The following ACAD8 variants were observed in gnomAD, a reference collection of about 807,000 sequenced individuals.
ACAD8 encodes the protein acyl-CoA dehydrogenase family member 8.
ACAD8 carries 47 observed loss-of-function variants against 53.1 expected under a neutral mutation model. That is an observed-to-expected ratio of 0.89 (90% CI 0.70 to 1.13). The LOEUF (loss-of-function observed/expected upper bound fraction) is 1.13, where lower values mean the gene tolerates loss of function less well. Among genes scored for constraint, ACAD8 ranks in the 50% most tolerant of loss-of-function variants. The pLI, the probability that ACAD8 is intolerant of heterozygous loss-of-function variation, is 0.00. For synonymous variants in ACAD8, 198 were observed against 201.3 expected, an observed-to-expected ratio of 0.98 and a Z score of 0.14; for missense variants, 494 against 535.0, an observed-to-expected ratio of 0.92 and a Z score of 0.76.
chr11:134,254,886 A>G (rs1041708173), intron 1 of ACAD8, among the ~76,000 whole-genome samples: 9 of 152,250 alleles, frequency 5.9e-5, no homozygotes, highest in African/African-American at 2.2e-4. Context: ...AGTAACTGGC[A>G]AAGTTCATGA....
At position 134,261,625 on chromosome 11, in the gene ACAD8, A is replaced by G; in HGVS notation, c.940-113A>G. The G allele has an allele frequency of 6.4e-7, 1 of 1,574,028 alleles. No homozygotes were observed. The highest frequency in any genetic ancestry group is 8.6e-7 in the Non-Finnish European group (1 of 1,165,676). ...TCTATAGAAAAAGCAAGAGACTTTG[A>G]AGCTTTGGATCACTTAGAAAAGGCG... On this transcript the variant is annotated intron_variant, in intron 8 of 10. Coordinates refer to ENST00000281182, the MANE Select transcript of ACAD8 (RefSeq NM_014384.3). The surrounding 1 kb of genome is among the most constrained non-coding windows in gnomAD (Gnocchi z 4.2).
In ACAD8 at chr11:134,261,093, C is replaced by T. The variant is rs1481623417; in HGVS notation, c.755C>T (p.Ala252Val). Residue 252 changes from alanine (A) to valine (V), a missense_variant, in exon 7 of 11, where the codon GCT (alanine) becomes GTT (valine). Coordinates refer to ENST00000281182, the MANE Select transcript of ACAD8 (RefSeq NM_014384.3). This position sits in a 1 kb window ranked among gnomAD's most constrained non-coding sequence, Gnocchi z 4.2. The part of the protein sequence containing the change: ...PTRAVIFEDC[A>V]VPVANRIGSE... ...CGAGCTGTGATCTTCGAAGACTGTGCTGTCCCTGTGGCCAACAGAATTGGG... is the reference window on the plus strand; with the variant it reads ...CGAGCTGTGATCTTCGAAGACTGTGTTGTCCCTGTGGCCAACAGAATTGGG... 5.0e-6 allele frequency: 8 copies of T among 1,612,212 alleles called. No homozygotes were observed. Among genetic ancestry groups the T allele is most frequent in the Non-Finnish European group, 5.9e-6 (7 of 1,179,282 alleles).
At chr11:134,257,527 G>T (rs1040331143) in intron 3 of ACAD8, among the ~76,000 whole-genome samples, 1 of 152,026 alleles carries the variant, frequency 6.6e-6, no homozygotes, top group Non-Finnish European at 1.5e-5. Flanking sequence ...CAAAAAATTA[G>T]CCGGGTGTGG....
In ACAD8 at chr11:134,261,439, C is replaced by T. The variant is rs1289756853; in HGVS notation, c.939+67C>T. The T allele has an allele frequency of 2.6e-6, 4 of 1,568,124 alleles. No individual in the cohort carries two copies. The highest frequency in any genetic ancestry group is 2.6e-6 in the Non-Finnish European group (3 of 1,139,084). On this transcript the variant is annotated intron_variant, in intron 8 of 10. Transcript: ENST00000281182. The surrounding 1 kb of genome is among the most constrained non-coding windows in gnomAD (Gnocchi z 4.2). ...AGCCCGGGACCTGCTCTAGGGCCCA[C>T]ATTTCCAGGAGAGAAGCCAGGAAAT...
At chr11:134,260,638 A>T in intron 6 of ACAD8, 1 of 320,378 alleles carries the variant, frequency 3.1e-6, no homozygotes, top group South Asian at 2.8e-5. Flanking sequence ...AGTTTATCCT[A>T]TCAACAAAAG....
At position 134,259,599 on chromosome 11, in the gene ACAD8, C is replaced by T; in HGVS notation, c.568-9C>T. 1 of 1,614,046 alleles carries T rather than the reference C, an allele frequency of 6.2e-7. No individual in the cohort carries two copies. Among genetic ancestry groups the T allele is most frequent in the South Asian group, 1.1e-5 (1 of 91,082 alleles). On this transcript the variant is annotated splice_polypyrimidine_tract_variant and intron_variant, in intron 5 of 10. Coordinates refer to ENST00000281182, the MANE Select transcript of ACAD8 (RefSeq NM_014384.3). ...CCCTGGTCCTTTTGCACCCCTTTTACCCCCACAGGCCTTCATCAGTGGTGC... is the reference window on the plus strand; with the variant it reads ...CCCTGGTCCTTTTGCACCCCTTTTATCCCCACAGGCCTTCATCAGTGGTGC...
At chr11:134,262,061 T>A (rs1939912416) in intron 9 of ACAD8, 171 bp downstream of exon 9, 4 of 795,480 alleles carry the variant, frequency 5.0e-6, no homozygotes, top group Non-Finnish European at 8.5e-6. Flanking sequence ...GGAGCTCTCA[T>A]CGCTGGCTTT....
Position 134,254,640 on chromosome 11 carries a change from A to G in ACAD8, c.109+931A>G, listed in dbSNP as rs568275893. 1.2e-3 allele frequency among the ~76,000 whole-genome samples: 188 copies of G among 152,214 alleles called. 1 individual carries two copies. Among genetic ancestry groups the G allele is most frequent in the Non-Finnish European group, 1.5e-3 (104 of 68,026 alleles). On this transcript the variant is annotated intron_variant, in intron 1 of 10. Transcript: ENST00000281182. ...CATTCAAGAGGTGCTGCCCTGGCCTAGCGCTTAGAATTTGATAACCCAGAT... is the reference window on the plus strand; with the variant it reads ...CATTCAAGAGGTGCTGCCCTGGCCTGGCGCTTAGAATTTGATAACCCAGAT...
Position 134,265,081 on chromosome 11 carries a change from G to C in ACAD8, c.*121G>C. On this transcript the variant is annotated 3_prime_UTR_variant, in exon 11 of 11. Coordinates refer to ENST00000281182, the MANE Select transcript of ACAD8 (RefSeq NM_014384.3). Reference sequence around the variant, plus strand: ...GACCCAAGGGCTGAGCTCCTCTAGGGCAGGACCTGCACCCTGTGTGTTGGC... The same window carrying C: ...GACCCAAGGGCTGAGCTCCTCTAGGCCAGGACCTGCACCCTGTGTGTTGGC... 2 of 1,059,724 alleles carry C rather than the reference G, an allele frequency of 1.9e-6. No homozygotes were observed. Among genetic ancestry groups the C allele is most frequent in the Non-Finnish European group, 2.9e-6 (2 of 683,462 alleles). The allele number at this position is 1,059,724 out of a possible 1,614,324, so 65.6% of individuals were successfully genotyped here.
intron 10 of ACAD8, chr11:134,262,831 G>C (rs935195607): frequency 2.1e-5 from 31 of 1,449,768 alleles, no homozygotes; most frequent in South Asian, 1.1e-4. Flanking sequence ...GGGGGCCTCA[G>C]ATCGCTCTGC....
rs751633406 is a variant in ACAD8, at chr11:134,257,214, G to A, written c.337G>A (p.Ala113Thr). 4.5e-5 allele frequency: 73 copies of A among 1,614,032 alleles called. No individual in the cohort carries two copies. The highest frequency in any genetic ancestry group is 5.7e-5 in the Non-Finnish European group (67 of 1,180,038). The change falls in exon 3 of 11, where the codon GCT (alanine) becomes ACT (threonine). Residue 113 changes from alanine (A) to threonine (T), a missense_variant. Physicochemically the swap from Ala to Thr is moderately conservative, Grantham distance 58 (BLOSUM62 0). Transcript: ENST00000281182. ...TACCTCTGTCATTTTTGAAGCCTTG[G>A]CTACAGGCTGCACCAGCACCACAGC... ...LDTSVIFEALATGCTSTTAYI... is the reference protein window; with the variant it reads ...LDTSVIFEALTTGCTSTTAYI...
chr11:134,264,484 C>G (rs933079229), intron 10 of ACAD8, among the ~76,000 whole-genome samples: 5 of 152,096 alleles, frequency 3.3e-5, no homozygotes, highest in Non-Finnish European at 7.3e-5. Context: ...CACCACTGCA[C>G]TCCAGCCTGG....
chr11:134,260,583 C>T, intron 6 of ACAD8: 1 of 275,804 alleles, frequency 3.6e-6, no homozygotes, highest in Non-Finnish European at 7.0e-6. Context: ...GAAGCCCATG[C>T]TAACTCCTGG....
At position 134,261,076 on chromosome 11, in the gene ACAD8, G is replaced by T. The variant is rs183752972; in HGVS notation, c.738G>T (p.Val246=). 3 of 1,612,440 alleles carry T rather than the reference G, an allele frequency of 1.9e-6. No homozygotes were observed. The highest frequency in any genetic ancestry group is 2.5e-6 in the Non-Finnish European group (3 of 1,179,350). Residue 246 remains valine (V), a synonymous_variant, in exon 7 of 11, where the codon GTG becomes GTT. Coordinates refer to ENST00000281182, the MANE Select transcript of ACAD8 (RefSeq NM_014384.3). This position sits in a 1 kb window ranked among gnomAD's most constrained non-coding sequence, Gnocchi z 4.2. ...VGWNSQPTRA[V]IFEDCAVPVA... Reference sequence around the variant, plus strand: ...GGAACTCCCAGCCAACACGAGCTGTGATCTTCGAAGACTGTGCTGTCCCTG... The same window carrying T: ...GGAACTCCCAGCCAACACGAGCTGTTATCTTCGAAGACTGTGCTGTCCCTG...
intron 9 of ACAD8, chr11:134,262,158 C>T (rs1214171465): frequency 1.5e-6 from 1 of 665,656 alleles, no homozygotes; most frequent in Non-Finnish European, 2.8e-6. Context: ...GGAAGGTTCA[C>T]AGCAGCCCCA....
intron 3 of ACAD8, 22 bp downstream of exon 3, chr11:134,257,279 G>A (rs1364429518): frequency 6.2e-7 from 1 of 1,613,682 alleles, no homozygotes. Context: ...AGCTTGGAAG[G>A]CACAATGAAG....
chr11:134,256,548 C>T lies in ACAD8; in HGVS notation c.110C>T (p.Pro37Leu). 1 of 1,613,630 alleles carries T rather than the reference C, an allele frequency of 6.2e-7. No individual in the cohort carries two copies. The highest frequency in any genetic ancestry group is 8.5e-7 in the Non-Finnish European group (1 of 1,179,510). ...GHRSLTSCID[P>L]SMGLNEEQKE... ...ACAGTATATGCAATCCTGCCCACAG[C>T]TTCCATGGGACTTAATGAAGAGCAG... is the stretch of plus-strand genomic sequence containing the variant. Residue 37 changes from proline (P) to leucine (L), a missense_variant and splice_region_variant, in exon 2 of 11, where the codon CCT (proline) becomes CTT (leucine). Pro to Leu is a moderately conservative substitution (Grantham distance 98). Transcript: ENST00000281182.
chr11:134,258,729 TTATC>T (rs775673393), intron 4 of ACAD8, 105 bp downstream of exon 4: 30 of 891,188 alleles, frequency 3.4e-5, no homozygotes, highest in Admixed American at 6.0e-5. Context: ...GAGCCACTGT[TTATC>T]TAGCTGTTTG....
chr11:134,257,356 G>A (rs1371784237), intron 3 of ACAD8, 99 bp downstream of exon 3: 2 of 1,458,752 alleles, frequency 1.4e-6, no homozygotes, highest in African/African-American at 1.4e-5. Flanking sequence ...GAAGCTGAGT[G>A]TCCTCAAGGA....
Sources: allele counts gnomAD v4.1 joint callset (sites outside exome capture counted in the v4.1 genomes callset), GRCh38; gene constraint gnomAD v4.1.1; non-coding constraint Gnocchi (gnomAD v3.1); transcripts MANE v1.5; gene names NCBI Gene and HGNC (gene_info 2026-07-23, HGNC 2026-07-21).